Variants in POC1B observed in about 807,000 individuals in gnomAD.
POC1B encodes the protein POC1 centriolar protein homolog B.
In POC1B, 44 loss-of-function variants were observed where a neutral mutation model predicts 60.6. That is an observed-to-expected ratio of 0.73 (90% CI 0.57 to 0.93). The LOEUF is 0.93. Ranked by LOEUF, POC1B falls within the 40% of genes least tolerant of loss-of-function variation. The pLI, the probability that POC1B is intolerant of heterozygous loss-of-function variation, is 0.00. For missense variants in POC1B, 555 were observed against 572.3 expected, an observed-to-expected ratio of 0.97 and a Z score of 0.31; for synonymous variants, 180 against 198.9, an observed-to-expected ratio of 0.90 and a Z score of 0.80.
chr12:89,498,481 C>T (rs10777170), intron 2 of POC1B, among the ~76,000 whole-genome samples: 110,902 of 152,094 alleles, frequency 0.73, 40,555 homozygotes, highest in Middle Eastern at 0.82. Context: ...GTTATAAATT[C>T]GAACACAATT....
At chr12:89,500,962 C>T in intron 2 of POC1B, 1 of 891,798 alleles carries the variant, frequency 1.1e-6, no homozygotes, top group Non-Finnish European at 1.8e-6. Flanking sequence ...GGAATTGTTC[C>T]ACCTCATTCG....
At chr12:89,472,347 A>G in intron 4 of POC1B, 72 bp from the exon 5 acceptor site, 3 of 972,482 alleles carry the variant, frequency 3.1e-6, no homozygotes, top group Non-Finnish European at 4.7e-6. Flanking sequence ...TCTACACCAC[A>G]AATAAACCAG....
intron 10 of POC1B, among the ~76,000 whole-genome samples, chr12:89,448,704 T>A (rs995345944): frequency 6.6e-6 from 1 of 152,334 alleles, no homozygotes; most frequent in South Asian, 2.1e-4. Flanking sequence ...TTGAACAACC[T>A]ATGATGAGCA....
chr12:89,424,698 T>TAAGA (rs1880683265), intron 11 of POC1B, among the ~76,000 whole-genome samples: 1 of 152,190 alleles, frequency 6.6e-6, no homozygotes, highest in African/African-American at 2.4e-5. Context: ...GTATTTTTCT[T>TAAGA]TGCAAAGGTA....
chr12:89,525,257 G>T, intron 1 of POC1B, 53 bp from the exon 2 acceptor site: 1 of 1,566,946 alleles, frequency 6.4e-7, no homozygotes, highest in South Asian at 1.2e-5. Flanking sequence ...TCGAATTCTG[G>T]CGGCTGGGAT....
At chr12:89,502,513 T>C in intron 2 of POC1B, 1 of 1,077,988 alleles carries the variant, frequency 9.3e-7, no homozygotes, top group East Asian at 2.5e-5. Flanking sequence ...GGATCTGTCT[T>C]GATAACGATG....
intron 4 of POC1B, among the ~76,000 whole-genome samples, chr12:89,479,886 T>C (rs1883253459): frequency 6.6e-6 from 1 of 152,244 alleles, no homozygotes; most frequent in African/African-American, 2.4e-5. Context: ...TTAATTCATC[T>C]AAATTTTTTT....
Position 89,444,242 on chromosome 12 carries a change from C to T in POC1B, c.1113+15396G>A, listed in dbSNP as rs77202565. Among the ~76,000 whole-genome samples the T allele has an allele frequency of 6.7e-3, 1,027 of 152,252 alleles. 12 individuals are homozygous for T. The highest frequency in any genetic ancestry group is 0.024 in the African/African-American group (994 of 41,526). On this transcript the variant is annotated intron_variant, in intron 10 of 11. Transcript: ENST00000313546. ...TCAACAGAAAATGAGAGAATCCTCC[C>T]TAACTCATTTTATGAGGACAGCATC...
intron 7 of POC1B, 33 bp downstream of exon 7, chr12:89,470,328 A>T (rs764109025): frequency 8.4e-7 from 1 of 1,192,316 alleles, no homozygotes; most frequent in Non-Finnish European, 1.1e-6. Flanking sequence ...TTATATTTTT[A>T]TATATAAAAA....
chr12:89,471,477 A>C, intron 6 of POC1B, 137 bp downstream of exon 6: 2 of 605,810 alleles, frequency 3.3e-6, no homozygotes, highest in South Asian at 4.3e-5. Flanking sequence ...GATGGGAGCT[A>C]ATTATACTAT....
chr12:89,436,668 C>T (rs1004468920), intron 10 of POC1B, among the ~76,000 whole-genome samples: 1 of 151,468 alleles, frequency 6.6e-6, no homozygotes, highest in Non-Finnish European at 1.5e-5. Context: ...GAGCCGAGAT[C>T]GCTATACTGT....
intron 10 of POC1B, among the ~76,000 whole-genome samples, chr12:89,430,559 T>C (rs1880987562): frequency 6.6e-6 from 1 of 152,154 alleles, no homozygotes; most frequent in Admixed American, 6.6e-5. Context: ...TTATATCTAC[T>C]CCCCTTCCTC....
Position 89,467,549 on chromosome 12 carries a change from A to C in POC1B, c.879+68T>G, listed in dbSNP as rs1372087489. On this transcript the variant is annotated intron_variant, in intron 8 of 11. Transcript: ENST00000313546. ...CATACACAAACTAGCTGGTTGTAAA[A>C]CTCTTAGCTGAGGTCAAGGATTCCT... 4 of 1,316,976 alleles carry C rather than the reference A, an allele frequency of 3.0e-6. No homozygotes were observed. The African/African-American group carries it at 5.9e-5, about 19-fold the overall frequency. The allele number at this position is 1,316,976 out of a possible 1,614,324, so 81.6% of individuals were successfully genotyped here.
At chr12:89,443,986 A>C (rs1881651584) in intron 10 of POC1B, among the ~76,000 whole-genome samples, 1 of 152,220 alleles carries the variant, frequency 6.6e-6, no homozygotes, top group Admixed American at 6.5e-5. Flanking sequence ...TTCTATGCAA[A>C]GAAACTAGAA....
intron 4 of POC1B, among the ~76,000 whole-genome samples, chr12:89,486,696 C>T (rs967419813): frequency 4.6e-5 from 7 of 152,210 alleles, no homozygotes; most frequent in African/African-American, 1.7e-4. Flanking sequence ...GAGATTCCTG[C>T]AACAGTCTGC....
At chr12:89,493,922 A>G (rs1292409558) in intron 3 of POC1B, among the ~76,000 whole-genome samples, 1 of 152,154 alleles carries the variant, frequency 6.6e-6, no homozygotes, top group Non-Finnish European at 1.5e-5. Flanking sequence ...TCTTAACTTA[A>G]TATAGGCTCT....
At chr12:89,503,175 G>A (rs1343213435) in intron 2 of POC1B, among the ~76,000 whole-genome samples, 1 of 151,856 alleles carries the variant, frequency 6.6e-6, no homozygotes. Context: ...GCCGAAGCTG[G>A]ACTGTACTGC....
chr12:89,467,240 A>G (rs532619667), intron 8 of POC1B, among the ~76,000 whole-genome samples: 5 of 152,222 alleles, frequency 3.3e-5, no homozygotes, highest in Non-Finnish European at 7.4e-5. Context: ...AAATCTGGCC[A>G]TGAATGACTT....
At chr12:89,431,353 T>C (rs1005093164) in intron 10 of POC1B, among the ~76,000 whole-genome samples, 1 of 152,118 alleles carries the variant, frequency 6.6e-6, no homozygotes, top group Non-Finnish European at 1.5e-5. Context: ...GTGAAAGATA[T>C]ACAAACATCA....
Sources: gnomAD v4.1 joint callset for allele counts (sites outside exome capture counted in the v4.1 genomes callset) on GRCh38, gnomAD v4.1.1 for gene constraint, MANE v1.5 for transcripts, NCBI Gene and HGNC (gene_info 2026-07-23, HGNC 2026-07-21) for gene names.